The following NXPE2 variants were observed in gnomAD, a reference collection of about 807,000 sequenced individuals.
NXPE2 encodes NXPE family member 2.
A neutral mutation model predicts 34.4 loss-of-function variants in NXPE2; 34 were observed. The ratio of observed to expected loss-of-function variants is 0.99; its 90% CI spans 0.75 to 1.31. NXPE2 has a LOEUF of 1.31. Among genes scored for constraint, NXPE2 ranks in the 40% most tolerant of loss-of-function variants. The pLI, the probability that NXPE2 is intolerant of heterozygous loss-of-function variation, is 0.00. For missense variants in NXPE2, 649 were observed against 672.5 expected (o/e 0.97, Z 0.39); for synonymous variants, 235 against 231.3 (o/e 1.02, Z -0.15).
upstream of NXPE2, among the ~76,000 whole-genome samples, chr11:114,677,361 A>G (rs1950870474): frequency 6.6e-6 from 1 of 152,114 alleles, no homozygotes; most frequent in Admixed American, 6.6e-5. Flanking sequence ...ATGTCTGCAT[A>G]CATCAAAACA....
chr11:114,761,107 T>G, the NXPE2 span, among the ~76,000 whole-genome samples: 1 of 152,204 alleles, frequency 6.6e-6, no homozygotes, highest in Non-Finnish European at 1.5e-5. Context: ...CCAGATACTT[T>G]GAAATGGAAT....
the NXPE2 span, among the ~76,000 whole-genome samples, chr11:114,745,384 A>G: frequency 3.3e-5 from 5 of 152,144 alleles, no homozygotes; most frequent in African/African-American, 9.7e-5. Context: ...ATGCCAGGTT[A>G]TTTTTCAACA....
the NXPE2 span, among the ~76,000 whole-genome samples, chr11:114,655,439 A>C: frequency 2.6e-5 from 4 of 152,162 alleles, no homozygotes; most frequent in African/African-American, 9.7e-5. Flanking sequence ...GTTTTCTTCT[A>C]GGGTTTTTAT....
At chr11:114,593,769 A>T in the NXPE2 span, among the ~76,000 whole-genome samples, 1 of 152,180 alleles carries the variant, frequency 6.6e-6, no homozygotes, top group African/African-American at 2.4e-5. Flanking sequence ...TTTGTAAGCA[A>T]CCTAAGTGTC....
At chr11:114,477,960 A>T in the NXPE2 span, among the ~76,000 whole-genome samples, 116 of 152,238 alleles carry the variant, frequency 7.6e-4, no homozygotes, top group African/African-American at 2.7e-3. Context: ...AGTGGTACCT[A>T]GTAAAACAGT....
At chr11:114,727,774 A>ACACACAAACACACACACAC in the NXPE2 span, among the ~76,000 whole-genome samples, 1 of 127,584 alleles carries the variant, frequency 7.8e-6, no homozygotes, top group Non-Finnish European at 1.7e-5. Flanking sequence ...ATGTGTACAC[A>ACACACAAACACACACACAC]ACACACACAC....
At chr11:114,629,049 G>A in the NXPE2 span, among the ~76,000 whole-genome samples, 2 of 152,132 alleles carry the variant, frequency 1.3e-5, no homozygotes, top group African/African-American at 4.8e-5. Flanking sequence ...CAATGAAAAA[G>A]AGTCCAGGAC....
chr11:114,727,448 C>T, the NXPE2 span, among the ~76,000 whole-genome samples: 40,653 of 151,760 alleles, frequency 0.27, 6,393 homozygotes, highest in Middle Eastern at 0.4. Flanking sequence ...CACCACATTG[C>T]GGATTAGGAC....
the NXPE2 span, among the ~76,000 whole-genome samples, chr11:114,547,478 T>C: frequency 6.6e-6 from 1 of 152,218 alleles, no homozygotes; most frequent in African/African-American, 2.4e-5. Context: ...CTCACGCCTG[T>C]AATCCCAGCA....
the NXPE2 span, among the ~76,000 whole-genome samples, chr11:114,622,006 G>A: frequency 1.3e-5 from 2 of 152,036 alleles, no homozygotes; most frequent in African/African-American, 4.8e-5. Flanking sequence ...TGGATAATAA[G>A]TACTGGCTCA....
At chr11:114,788,307 G>C in the NXPE2 span, among the ~76,000 whole-genome samples, 1 of 152,292 alleles carries the variant, frequency 6.6e-6, no homozygotes, top group Non-Finnish European at 1.5e-5. Flanking sequence ...GTGGAAGGCT[G>C]AGAAATTCCA....
At chr11:114,747,327 C>T in the NXPE2 span, among the ~76,000 whole-genome samples, 1 of 152,156 alleles carries the variant, frequency 6.6e-6, no homozygotes, top group Admixed American at 6.5e-5. Flanking sequence ...GAATACATGA[C>T]TTCTTCAATC....
chr11:114,791,895 C>T, the NXPE2 span, among the ~76,000 whole-genome samples: 2 of 152,040 alleles, frequency 1.3e-5, no homozygotes, highest in Admixed American at 6.5e-5. Flanking sequence ...CTCTACTAAA[C>T]AAAATACAAA....
intron 4 of NXPE2, 21 bp downstream of exon 4, chr11:114,704,073 T>G: frequency 6.6e-7 from 1 of 1,512,258 alleles, no homozygotes; most frequent in East Asian, 2.4e-5. Flanking sequence ...AGTGTTGTTG[T>G]CTGCCATGAT....
chr11:114,594,973 A>G, the NXPE2 span, among the ~76,000 whole-genome samples: 2 of 152,062 alleles, frequency 1.3e-5, no homozygotes, highest in East Asian at 3.9e-4. Flanking sequence ...TGTACATTCT[A>G]CAGAACAGAT....
At chr11:114,577,556 A>G in the NXPE2 span, among the ~76,000 whole-genome samples, 1 of 152,156 alleles carries the variant, frequency 6.6e-6, no homozygotes, top group African/African-American at 2.4e-5. Flanking sequence ...GAAATAAAAA[A>G]CTTAAAAATT....
chr11:114,684,177 A>G (rs760110654), intron 2 of NXPE2, among the ~76,000 whole-genome samples: 6 of 152,024 alleles, frequency 3.9e-5, no homozygotes, highest in Non-Finnish European at 5.9e-5. Context: ...CCTATAATCC[A>G]AGCACTTTGG....
At chr11:114,606,601 C>A in the NXPE2 span, among the ~76,000 whole-genome samples, 2 of 151,896 alleles carry the variant, frequency 1.3e-5, no homozygotes, top group African/African-American at 2.4e-5. Context: ...TTGTGGGTAA[C>A]CACTGTTACC....
intron 2 of NXPE2, among the ~76,000 whole-genome samples, chr11:114,683,737 G>T (rs1281368551): frequency 6.6e-6 from 1 of 151,850 alleles, no homozygotes; most frequent in Non-Finnish European, 1.5e-5. Context: ...AACAGTCTCT[G>T]GTACATAGTA....
Sources: gnomAD v4.1 joint callset for allele counts (sites outside exome capture counted in the v4.1 genomes callset) on GRCh38, gnomAD v4.1.1 for gene constraint, MANE v1.5 for transcripts, NCBI Gene and HGNC (gene_info 2026-07-23, HGNC 2026-07-21) for gene names.